The following PTGES2 variants were observed in gnomAD, a reference collection of about 807,000 sequenced individuals.
PTGES2 encodes the protein GATE-binding factor 1.
In PTGES2, 35 loss-of-function variants were observed where a neutral mutation model predicts 44.5. That is an observed-to-expected ratio of 0.79 (90% CI 0.60 to 1.04). The LOEUF (loss-of-function observed/expected upper bound fraction) is 1.04. Among genes scored for constraint, PTGES2 ranks in the 50% least tolerant of loss-of-function variants. The probability of loss-of-function intolerance (pLI) is 0.00; values close to 1 mark genes in which losing one functional copy is unlikely to be tolerated. For synonymous variants in PTGES2, 221 were observed against 227.5 expected, an observed-to-expected ratio of 0.97 and a Z score of 0.26; for missense variants, 517 against 521.4, an observed-to-expected ratio of 0.99 and a Z score of 0.08.
Position 128,123,596 on chromosome 9 carries a change from G to T in PTGES2, c.686+106C>A. The stretch of plus-strand genomic sequence containing the variant: ...GCATGGCCCGGCCCCAGCCCCGCTG[G>T]TCTCCCATGCTGCTCCCTGCTCACG... On this transcript the variant is annotated intron_variant, in intron 4 of 6. Coordinates refer to ENST00000338961, the MANE Select transcript of PTGES2 (RefSeq NM_025072.7). This position sits in a 1 kb window ranked among gnomAD's most constrained non-coding sequence, Gnocchi z 4.4. The T allele has an allele frequency of 8.3e-7, 1 of 1,211,354 alleles. No homozygotes were observed. The highest frequency in any genetic ancestry group is 1.2e-6 in the Non-Finnish European group (1 of 866,690). 75.0% of individuals were successfully genotyped at this position (1,211,354 alleles called of 1,614,324 possible).
upstream of PTGES2, chr9:128,127,749 C>A: frequency 8.0e-7 from 1 of 1,249,930 alleles, no homozygotes; most frequent in African/African-American, 1.6e-5. Context: ...GGCGGGCGCG[C>A]GAAACGAAGA....
At position 128,124,458 on chromosome 9, in the gene PTGES2, G is replaced by T. The variant is rs1588071557; in HGVS notation, c.536+34C>A. Reference sequence around the variant, plus strand: ...GCCTCCCTGGAGGAAGCCACCAAAAGCAATGGCCACCTGGTCTCCGAGGGG... The same window carrying T: ...GCCTCCCTGGAGGAAGCCACCAAAATCAATGGCCACCTGGTCTCCGAGGGG... On this transcript the variant is annotated intron_variant, in intron 3 of 6. Coordinates refer to ENST00000338961, the MANE Select transcript of PTGES2 (RefSeq NM_025072.7). The T allele has an allele frequency of 1.9e-6, 3 of 1,607,298 alleles. No individual in the cohort carries two copies. The East Asian group carries it at 6.7e-5, about 36-fold the overall frequency.
Position 128,123,881 on chromosome 9 carries a change from C to G in PTGES2, c.537-30G>C. ...GGAGAGAGCCACAATATCACCCCAACTCCTTCCCCCTCCGTCCCCTGTGGC... is the reference window on the plus strand; with the variant it reads ...GGAGAGAGCCACAATATCACCCCAAGTCCTTCCCCCTCCGTCCCCTGTGGC... On this transcript the variant is annotated intron_variant, in intron 3 of 6. Transcript: ENST00000338961. This position sits in a 1 kb window ranked among gnomAD's most constrained non-coding sequence, Gnocchi z 4.4. 6.2e-7 allele frequency: 1 copy of G among 1,604,266 alleles called. No homozygotes were observed.
At chr9:128,121,898 G>A (rs533245982) in intron 6 of PTGES2, among the ~76,000 whole-genome samples, 32 of 151,948 alleles carry the variant, frequency 2.1e-4, no homozygotes, top group Admixed American at 1.2e-3. Flanking sequence ...GGGTGACAGC[G>A]TGAGACTTGG....
rs1346569950 is a variant in PTGES2 at position 128,123,379 on chromosome 9, TG to T, written c.687-246del. Among the ~76,000 whole-genome samples the T allele has an allele frequency of 6.6e-6, 1 of 152,058 alleles. No individual in the cohort carries two copies. The highest frequency in any genetic ancestry group is 1.5e-5 in the Non-Finnish European group (1 of 67,998). On this transcript the variant is annotated intron_variant, in intron 4 of 6. Transcript: ENST00000338961. The surrounding 1 kb of genome is among the most constrained non-coding windows in gnomAD (Gnocchi z 4.4). ...CTCCTGCTTCAGCCTCCTTAGTAGC[TG>T]GGATTATAGGTGTGTGCCTCCACAC...
At chr9:128,122,834 C>T (rs1011523960) in intron 5 of PTGES2, 100 bp downstream of exon 5, 35 of 1,307,020 alleles carry the variant, frequency 2.7e-5, no homozygotes, top group Admixed American at 2.3e-4. Context: ...CCCTAGGCCT[C>T]GGCCTCCCGC....
intron 5 of PTGES2, 52 bp downstream of exon 5, chr9:128,122,882 G>T: frequency 6.3e-7 from 1 of 1,588,948 alleles, no homozygotes; most frequent in Non-Finnish European, 8.6e-7. Flanking sequence ...ACCACTGCTC[G>T]TGGCACCGGA....
intron 1 of PTGES2, 58 bp from the exon 2 acceptor site, chr9:128,125,499 C>A (rs1834586104): frequency 6.5e-7 from 1 of 1,534,800 alleles, no homozygotes; most frequent in Non-Finnish European, 9.0e-7. Context: ...CCAGGCCCTG[C>A]CCCCAAGGGT....
chr9:128,121,029 G>T lies in PTGES2; in HGVS notation c.*116C>A. On this transcript the variant is annotated 3_prime_UTR_variant, in exon 7 of 7. Coordinates refer to ENST00000338961, the MANE Select transcript of PTGES2 (RefSeq NM_025072.7). ...GCGAGAGGGCTGGTGGGGGTGCGTGGACAAGGGGCAGAATGATCCTGCCCC... is the reference window on the plus strand; with the variant it reads ...GCGAGAGGGCTGGTGGGGGTGCGTGTACAAGGGGCAGAATGATCCTGCCCC... 1 of 1,348,102 alleles carries T rather than the reference G, an allele frequency of 7.4e-7. No individual in the cohort carries two copies. The highest frequency in any genetic ancestry group is 1.0e-6 in the Non-Finnish European group (1 of 989,376). 83.5% of individuals were successfully genotyped at this position (1,348,102 alleles called of 1,614,324 possible).
Position 128,120,981 on chromosome 9 carries a change from C to G in PTGES2, c.*164G>C. ...AACTCGTCCCTAACATCCCTGAGCCCCAGCAGGTGCCCTGTGTTAGAAGCG... is the reference window on the plus strand; with the variant it reads ...AACTCGTCCCTAACATCCCTGAGCCGCAGCAGGTGCCCTGTGTTAGAAGCG... On this transcript the variant is annotated 3_prime_UTR_variant, in exon 7 of 7. Transcript: ENST00000338961. 1 of 898,604 alleles carries G rather than the reference C, an allele frequency of 1.1e-6. No homozygotes were observed. The highest frequency in any genetic ancestry group is 2.8e-5 in the Admixed American group (1 of 35,306). 55.7% of individuals were successfully genotyped at this position (898,604 alleles called of 1,614,324 possible). A position where few individuals can be genotyped will look rare whatever the true frequency, so the allele number is the denominator to read the frequency against.
chr9:128,128,084 A>C, upstream of PTGES2: 1 of 351,076 alleles, frequency 2.8e-6, no homozygotes. Flanking sequence ...GCGCCCATTC[A>C]AAACAACTCC....
Position 128,120,892 on chromosome 9 carries a change from G to A in PTGES2, c.*253C>T, listed in dbSNP as rs766823486. On this transcript the variant is annotated 3_prime_UTR_variant, in exon 7 of 7. Transcript: ENST00000338961. ...GGGACAGCCACTGAGGGTCCAGGAA[G>A]AGGGGCGGCAGAGCAGGGAGGCAGG... is the stretch of plus-strand genomic sequence containing the variant. 7.2e-5 allele frequency: 37 copies of A among 516,256 alleles called. No individual in the cohort carries two copies. Among genetic ancestry groups the A allele is most frequent in the Non-Finnish European group, 2.0e-5 (6 of 293,404 alleles). The allele number at this position is 516,256 out of a possible 1,614,324, so 32.0% of individuals were successfully genotyped here.
upstream of PTGES2, chr9:128,128,142 A>T (rs1241517366): frequency 2.6e-5 from 9 of 345,142 alleles, no homozygotes; most frequent in Admixed American, 3.8e-4. Context: ...GGCCACTGAA[A>T]GCCCCGGAAA....
At chr9:128,124,576 C>A in intron 2 of PTGES2, 26 bp from the exon 3 acceptor site, 1 of 1,610,326 alleles carries the variant, frequency 6.2e-7, no homozygotes, top group South Asian at 1.1e-5. Context: ...GTGGTTTAAT[C>A]AGAGGTTGCA....
rs1834388408 is a variant in PTGES2 at position 128,121,047 on chromosome 9, C to G, written c.*98G>C. On this transcript the variant is annotated 3_prime_UTR_variant, in exon 7 of 7. Coordinates refer to ENST00000338961, the MANE Select transcript of PTGES2 (RefSeq NM_025072.7). ...GTGCGTGGACAAGGGGCAGAATGAT[C>G]CTGCCCCCAACCAGTATCGCCAGGC... 6.9e-7 allele frequency: 1 copy of G among 1,450,338 alleles called. No individual in the cohort carries two copies. Among genetic ancestry groups the G allele is most frequent in the African/African-American group, 1.4e-5 (1 of 70,520 alleles). The allele number at this position is 1,450,338 out of a possible 1,614,324, so 89.8% of individuals were successfully genotyped here.
rs190855704 is a variant in PTGES2, at chr9:128,122,582, G to A, written c.888-103C>T. On this transcript the variant is annotated intron_variant, in intron 5 of 6. Transcript: ENST00000338961. ...AGGGGGGAGGTGTGGAAGCCAGGAC[G>A]GCACCCCAGGTGAGAGCATCACATC... 3.0e-3 allele frequency: 2,881 copies of A among 947,026 alleles called. 59 individuals carry two copies. The highest frequency in any genetic ancestry group is 0.026 in the South Asian group (1,869 of 70,682). 58.7% of individuals were successfully genotyped at this position (947,026 alleles called of 1,614,324 possible). A position where few individuals can be genotyped will look rare whatever the true frequency, so the allele number is the denominator to read the frequency against.
intron 1 of PTGES2, among the ~76,000 whole-genome samples, chr9:128,127,182 T>C (rs370189878): frequency 4.7e-3 from 24 of 5,056 alleles, no homozygotes; most frequent in African/African-American, 9.8e-3. Flanking sequence ...AAAACATAAA[T>C]AAACAAACCA....
intron 1 of PTGES2, among the ~76,000 whole-genome samples, chr9:128,127,191 CAAAAAAAAAAA>C (rs59234287): frequency 1.2e-4 from 3 of 24,502 alleles, no homozygotes; most frequent in East Asian, 1.7e-3. Context: ...ATAAACAAAC[CAAAAAAAAAAA>C]AAAAAAAAAA....
chr9:128,121,268 C>T lies in PTGES2; in HGVS notation c.1011G>A (p.Val337=), dbSNP rs868120895. The T allele has an allele frequency of 2.3e-5, 37 of 1,607,598 alleles. 5 individuals carry two copies. The Middle Eastern group carries it at 5.6e-3, about 243-fold the overall frequency. ...CCTCCATCACACGCAGCACGCCATA[C>T]ACCGCCTGGGGCACGAACAGAAACG... ...GQKPNLADLA[V]YGVLRVMEGL... Residue 337 remains valine (V), a synonymous_variant, in exon 7 of 7, where the codon GTG becomes GTA. Coordinates refer to ENST00000338961, the MANE Select transcript of PTGES2 (RefSeq NM_025072.7).
Sources: allele counts gnomAD v4.1 joint callset (sites outside exome capture counted in the v4.1 genomes callset), GRCh38; gene constraint gnomAD v4.1.1; non-coding constraint Gnocchi (gnomAD v3.1); transcripts MANE v1.5; gene names NCBI Gene and HGNC (gene_info 2026-07-23, HGNC 2026-07-21).